Variants in SYMPK observed in about 807,000 individuals in gnomAD.
The protein encoded by SYMPK is symplekin scaffold protein, also known as symplekin.
SYMPK carries 49 observed loss-of-function variants against 136.4 expected under a neutral mutation model. That is an observed-to-expected ratio of 0.36 (90% CI 0.29 to 0.46). The LOEUF is 0.46. Ranked by LOEUF, SYMPK falls within the 20% of genes least tolerant of loss-of-function variation. The pLI is 1.00. For synonymous variants in SYMPK, 766 were observed against 713.0 expected (o/e 1.07, Z -1.19); for missense variants, 1,365 against 1,690.0 (o/e 0.81, Z 3.37).
chr19:45,827,430 C>T lies in SYMPK; in HGVS notation c.2181+80G>A, dbSNP rs116525741. 1.8e-3 allele frequency: 1,712 copies of T among 940,258 alleles called. 21 individuals are homozygous for T. In the African/African-American group the frequency reaches 0.024, roughly 13 times the overall value. 58.2% of individuals were successfully genotyped at this position (940,258 alleles called of 1,614,324 possible). On this transcript the variant is annotated intron_variant, in intron 16 of 26. Coordinates refer to ENST00000245934, the MANE Select transcript of SYMPK (RefSeq NM_004819.3). ...GAAACTTGCAAGGGAGTGTGGAAGA[C>T]GTGGGCTGGTTACTCAGGATAGAGG...
chr19:45,853,334 C>T (rs981461692), intron 3 of SYMPK, among the ~76,000 whole-genome samples: 7 of 152,212 alleles, frequency 4.6e-5, no homozygotes, highest in African/African-American at 1.7e-4. Flanking sequence ...GTGCCCTCAG[C>T]TTGACATGCT....
At chr19:45,854,313 G>C in intron 2 of SYMPK, 73 bp from the exon 3 acceptor site, 2 of 1,606,820 alleles carry the variant, frequency 1.2e-6, no homozygotes, top group East Asian at 2.2e-5. Context: ...GGCACTCCCA[G>C]GGCTCTGCCA....
chr19:45,854,355 T>C (rs1421892479), intron 2 of SYMPK, 36 bp downstream of exon 2: 4 of 1,609,332 alleles, frequency 2.5e-6, no homozygotes, highest in Non-Finnish European at 3.4e-6. Context: ...CCAGGGGCTA[T>C]GCTTCCTCAC....
Position 45,816,199 on chromosome 19 carries a change from G to T in SYMPK, c.3355-16C>A. 1 of 1,491,164 alleles carries T rather than the reference G, an allele frequency of 6.7e-7. No individual in the cohort carries two copies. Among genetic ancestry groups the T allele is most frequent in the Non-Finnish European group, 9.0e-7 (1 of 1,114,526 alleles). 92.4% of individuals were successfully genotyped at this position (1,491,164 alleles called of 1,614,324 possible). A position where few individuals can be genotyped will look rare whatever the true frequency, so the allele number is the denominator to read the frequency against. On this transcript the variant is annotated splice_polypyrimidine_tract_variant and intron_variant, in intron 25 of 26. Coordinates refer to ENST00000245934, the MANE Select transcript of SYMPK (RefSeq NM_004819.3). Reference sequence around the variant, plus strand: ...CCAGATCATCCTGGGGATAGGGAGGGCCACACAGAAGCTCAGAGGTGGGTG... The same window carrying T: ...CCAGATCATCCTGGGGATAGGGAGGTCCACACAGAAGCTCAGAGGTGGGTG...
rs1330835337 is a variant in SYMPK at position 45,816,513 on chromosome 19, G to A, written c.3323C>T (p.Ala1108Val). 3.7e-6 allele frequency: 6 copies of A among 1,613,374 alleles called. No individual in the cohort carries two copies. Among genetic ancestry groups the A allele is most frequent in the Non-Finnish European group, 5.1e-6 (6 of 1,179,978 alleles). Residue 1108 changes from alanine (A) to valine (V), a missense_variant, in exon 25 of 27, where the codon GCC (alanine) becomes GTC (valine). By Grantham distance (64) the Ala-to-Val change is moderately conservative. Transcript: ENST00000245934. ...CAAGGGCCCCGCAGGCGCCTCCTTGGCCTCTGGCTCCTGCTTGCCGCTGGC... is the reference window on the plus strand; with the variant it reads ...CAAGGGCCCCGCAGGCGCCTCCTTGACCTCTGGCTCCTGCTTGCCGCTGGC... ...LEASGKQEPE[A>V]KEAPAGPLEE...
At chr19:45,859,953 TAAAAAAA>T (rs61203536) in intron 1 of SYMPK, among the ~76,000 whole-genome samples, 1,534 of 85,688 alleles carry the variant, frequency 0.018, 59 homozygotes, top group African/African-American at 0.068. Flanking sequence ...AGACTCCATC[TAAAAAAA>T]AAAAAAAAAA....
chr19:45,823,288 T>C, intron 20 of SYMPK, 84 bp downstream of exon 20: 1 of 1,396,922 alleles, frequency 7.2e-7, no homozygotes, highest in Non-Finnish European at 1.0e-6. Context: ...CTGGCTCAAC[T>C]GCTGCTGAAG....
In SYMPK at chr19:45,830,059, C is replaced by A. The variant is rs772700010; in HGVS notation, c.1744G>T (p.Ala582Ser). 5.2e-5 allele frequency: 80 copies of A among 1,550,962 alleles called. No homozygotes were observed. The highest frequency in any genetic ancestry group is 6.6e-5 in the Non-Finnish European group (76 of 1,146,126). The change falls in exon 13 of 27, where the codon GCC (alanine) becomes TCC (serine). Residue 582 changes from alanine to serine, a missense_variant. Transcript: ENST00000245934. ...AEKAVACSGAAQVRIKILASL... is the reference protein window; with the variant it reads ...AEKAVACSGASQVRIKILASL... ...GGGGGGTGGCAGGCGCACACCTGGG[C>A]TGCCCCGCTGCAGGCCACAGCCTTC...
chr19:45,816,364 CAGAGG>C, intron 25 of SYMPK, 113 bp downstream of exon 25: 2 of 1,385,768 alleles, frequency 1.4e-6, no homozygotes, highest in Non-Finnish European at 1.9e-6. Flanking sequence ...ACGGGTGGCC[CAGAGG>C]CAGGGGTGGC....
Position 45,816,158 on chromosome 19 carries a change from G to A in SYMPK, c.3380C>T (p.Ala1127Val). Reference protein sequence around the residue: ...EEDDLEPLTLAPAPAPRPPQD... With the variant: ...EEDDLEPLTLVPAPAPRPPQD... ...AGGGGGCCGGGGTGCTGGGGCCGGG[G>A]CCAAGGTCAGGGGCTCCAGATCATC... The change falls in exon 26 of 27, where the codon GCC (alanine) becomes GTC (valine). Residue 1127 changes from alanine (A) to valine (V), a missense_variant. This residue lies in a region of SYMPK where 341 missense variants were observed against 270.5 expected (regional missense o/e 1.26). Transcript: ENST00000245934. 2 of 1,543,606 alleles carry A rather than the reference G, an allele frequency of 1.3e-6. No homozygotes were observed. Among genetic ancestry groups the A allele is most frequent in the Non-Finnish European group, 1.8e-6 (2 of 1,141,344 alleles).
chr19:45,832,749 C>A (rs1008127420), intron 11 of SYMPK, among the ~76,000 whole-genome samples: 2 of 151,724 alleles, frequency 1.3e-5, no homozygotes, highest in Non-Finnish European at 2.9e-5. Context: ...GTGGCTCACA[C>A]CTGTAATCCC....
intron 7 of SYMPK, among the ~76,000 whole-genome samples, chr19:45,846,249 G>A (rs1451766558): frequency 6.6e-6 from 1 of 152,088 alleles, no homozygotes; most frequent in Admixed American, 6.6e-5. Flanking sequence ...AAATAAAAGT[G>A]AATTAAAAAT....
At chr19:45,828,658 C>T (rs1306066836) in intron 14 of SYMPK, 1 of 411,314 alleles carries the variant, frequency 2.4e-6, no homozygotes. Flanking sequence ...TATCTCCAGG[C>T]CCATGGGTGA....
At chr19:45,859,565 A>C (rs1333979057) in intron 1 of SYMPK, among the ~76,000 whole-genome samples, 2 of 152,124 alleles carry the variant, frequency 1.3e-5, no homozygotes, top group Non-Finnish European at 2.9e-5. Context: ...GCGCCACTGC[A>C]CTCCAGCCTG....
intron 12 of SYMPK, 105 bp downstream of exon 12, chr19:45,831,279 A>C: frequency 1.2e-6 from 1 of 838,754 alleles, no homozygotes. Context: ...TCTGCATCTC[A>C]GTTACACACA....
chr19:45,849,497 C>T (rs1411708197), intron 5 of SYMPK, among the ~76,000 whole-genome samples: 4 of 152,194 alleles, frequency 2.6e-5, no homozygotes, highest in African/African-American at 9.6e-5. Context: ...ATTTTCACAG[C>T]ATACATTACA....
chr19:45,839,830 T>TCAAAACAAAA (rs147197355), intron 9 of SYMPK, among the ~76,000 whole-genome samples: 20 of 148,694 alleles, frequency 1.3e-4, no homozygotes, highest in South Asian at 6.6e-4. Flanking sequence ...AGACTCTGTC[T>TCAAAACAAAA]CAAAACAAAA....
intron 9 of SYMPK, 23 bp downstream of exon 9, chr19:45,842,221 GCCTGCC>G: frequency 6.2e-7 from 1 of 1,612,948 alleles, no homozygotes; most frequent in Admixed American, 1.7e-5. Context: ...AGCATGGTCT[GCCTGCC>G]CCACCCCACC....
chr19:45,846,562 C>T (rs1971565991), intron 7 of SYMPK, among the ~76,000 whole-genome samples: 1 of 152,234 alleles, frequency 6.6e-6, no homozygotes, highest in Admixed American at 6.5e-5. Flanking sequence ...CAGACACAAG[C>T]TACTATAATG....
Sources: allele counts gnomAD v4.1 joint callset (sites outside exome capture counted in the v4.1 genomes callset), GRCh38; gene constraint gnomAD v4.1.1; regional missense constraint gnomAD v4.1.1; transcripts MANE v1.5; gene names NCBI Gene and HGNC (gene_info 2026-07-23, HGNC 2026-07-21).